The following CSMD1 variants were observed in gnomAD, a reference collection of about 807,000 sequenced individuals.
CSMD1 encodes CUB and Sushi multiple domains 1.
CSMD1 carries 213 observed loss-of-function variants against 417.5 expected under a neutral mutation model. That is an observed-to-expected ratio of 0.51 (90% CI 0.46 to 0.57). The LOEUF is 0.57. CSMD1 is among the 20% of genes least tolerant of loss of function. CSMD1 has a pLI of 0.00. For missense variants in CSMD1, 6,923 were observed against 4,529.7 expected (o/e 1.53, Z -15.17); for synonymous variants, 2,862 against 1,736.8 (o/e 1.65, Z -16.11).
chr8:3,547,872 G>C (rs949566950), intron 10 of CSMD1, among the ~76,000 whole-genome samples: 4 of 152,114 alleles, frequency 2.6e-5, no homozygotes, highest in African/African-American at 7.2e-5. Flanking sequence ...TTTTTAAAAT[G>C]TCATTTTAAG....
At chr8:4,072,778 CA>C (rs1354642197) in intron 3 of CSMD1, among the ~76,000 whole-genome samples, 20 of 152,152 alleles carry the variant, frequency 1.3e-4, no homozygotes, top group Admixed American at 3.9e-4. Flanking sequence ...TGGAGCCTCA[CA>C]GTCATGGAAA....
At chr8:4,093,971 T>C (rs938108788) in intron 3 of CSMD1, among the ~76,000 whole-genome samples, 24 of 144,402 alleles carry the variant, frequency 1.7e-4, no homozygotes, top group Non-Finnish European at 3.0e-4. Flanking sequence ...CTCAAATAGA[T>C]AGATAGATAG....
intron 18 of CSMD1, among the ~76,000 whole-genome samples, chr8:3,379,638 G>C (rs947647776): frequency 2.6e-5 from 4 of 152,104 alleles, no homozygotes; most frequent in Non-Finnish European, 4.4e-5. Flanking sequence ...ATAAAAACAA[G>C]CAATGGGGAA....
At chr8:4,524,402 C>T (rs183652679) in intron 2 of CSMD1, among the ~76,000 whole-genome samples, 1 of 152,138 alleles carries the variant, frequency 6.6e-6, no homozygotes, top group African/African-American at 2.4e-5. Flanking sequence ...AAAATATACA[C>T]TAGTATTCAA....
intron 18 of CSMD1, among the ~76,000 whole-genome samples, chr8:3,376,702 A>C (rs1810327884): frequency 6.6e-6 from 1 of 152,180 alleles, no homozygotes; most frequent in Non-Finnish European, 1.5e-5. Flanking sequence ...TGTGTGAAAG[A>C]GTAATGTTAA....
At chr8:4,639,710 A>T (rs76260382) in intron 1 of CSMD1, among the ~76,000 whole-genome samples, 4,086 of 152,328 alleles carry the variant, frequency 0.027, 92 homozygotes, top group East Asian at 0.11. Context: ...AATTATTTTC[A>T]ACTACATTTT....
chr8:3,449,876 G>C (rs1008580135), intron 12 of CSMD1, among the ~76,000 whole-genome samples: 2 of 152,100 alleles, frequency 1.3e-5, no homozygotes, highest in Non-Finnish European at 2.9e-5. Flanking sequence ...ACGTTGTAAA[G>C]TTTCTAATTA....
intron 3 of CSMD1, among the ~76,000 whole-genome samples, chr8:4,037,664 C>G (rs759854138): frequency 6.6e-6 from 1 of 152,042 alleles, no homozygotes; most frequent in Non-Finnish European, 1.5e-5. Flanking sequence ...GTTTTCCCAT[C>G]AGTATTGATT....
intron 2 of CSMD1, among the ~76,000 whole-genome samples, chr8:4,474,704 C>G (rs1585136647): frequency 1.3e-5 from 2 of 152,212 alleles, no homozygotes; most frequent in East Asian, 1.9e-4. Context: ...GCAGTTTACT[C>G]CCACGTGGAC....
intron 6 of CSMD1, among the ~76,000 whole-genome samples, chr8:3,734,817 G>T (rs1235830491): frequency 1.3e-5 from 2 of 152,176 alleles, no homozygotes; most frequent in Non-Finnish European, 2.9e-5. Flanking sequence ...CCGTGACGGG[G>T]ATACCTTCCT....
chr8:4,578,564 C>G (rs1171775435), intron 2 of CSMD1, among the ~76,000 whole-genome samples: 1 of 151,370 alleles, frequency 6.6e-6, no homozygotes, highest in South Asian at 2.1e-4. Flanking sequence ...TGCCTGTAAT[C>G]TCGGCATTTT....
At chr8:4,009,887 T>G (rs1437719446) in intron 4 of CSMD1, among the ~76,000 whole-genome samples, 1 of 152,074 alleles carries the variant, frequency 6.6e-6, no homozygotes, top group East Asian at 1.9e-4. Context: ...ATCCTTTGTC[T>G]TCCTTTACAA....
intron 49 of CSMD1, among the ~76,000 whole-genome samples, chr8:3,075,091 T>C (rs1310406340): frequency 6.6e-6 from 1 of 152,086 alleles, no homozygotes; most frequent in Non-Finnish European, 1.5e-5. Context: ...CTCTTGCTCC[T>C]ACTTTTGCTA....
At chr8:4,149,585 A>G (rs183612122) in intron 3 of CSMD1, among the ~76,000 whole-genome samples, 306 of 152,346 alleles carry the variant, frequency 2.0e-3, no homozygotes, top group African/African-American at 6.9e-3. Flanking sequence ...AACCAGATTT[A>G]TGCTAAAAGG....
At chr8:3,258,425 C>T (rs1049563751) in intron 26 of CSMD1, among the ~76,000 whole-genome samples, 1 of 152,028 alleles carries the variant, frequency 6.6e-6, no homozygotes, top group Non-Finnish European at 1.5e-5. Context: ...ATGGCTATTA[C>T]TGAAAAACCG....
intron 5 of CSMD1, among the ~76,000 whole-genome samples, chr8:3,940,525 GTGTGTGT>G: frequency 6.8e-6 from 1 of 146,598 alleles, no homozygotes; most frequent in Non-Finnish European, 1.5e-5. Flanking sequence ...GTGTGTGTGT[GTGTGTGT>G]GTGTATGTAT....
intron 49 of CSMD1, among the ~76,000 whole-genome samples, chr8:3,074,281 C>T (rs1240263146): frequency 6.6e-6 from 1 of 152,152 alleles, no homozygotes; most frequent in East Asian, 1.9e-4. Flanking sequence ...AAGAACTCTG[C>T]CCCTAGAAGA....
intron 2 of CSMD1, among the ~76,000 whole-genome samples, chr8:4,525,770 T>C (rs1268455754): frequency 6.6e-6 from 1 of 152,152 alleles, no homozygotes; most frequent in African/African-American, 2.4e-5. Context: ...GGACAATCAA[T>C]AGCCAGCATT....
At chr8:4,048,704 T>G (rs921831832) in intron 3 of CSMD1, among the ~76,000 whole-genome samples, 3 of 152,208 alleles carry the variant, frequency 2.0e-5, no homozygotes, top group Non-Finnish European at 4.4e-5. Context: ...CTGACACATT[T>G]GGGTGCATTT....
Sources: allele counts gnomAD v4.1 joint callset (sites outside exome capture counted in the v4.1 genomes callset), GRCh38; gene constraint gnomAD v4.1.1; transcripts MANE v1.5; gene names NCBI Gene and HGNC (gene_info 2026-07-23, HGNC 2026-07-21).